The following DPYSL5 variants were observed in gnomAD, a reference collection of about 807,000 sequenced individuals.
DPYSL5 encodes dihydropyrimidinase-related protein 5.
DPYSL5 carries 9 observed loss-of-function variants against 58.4 expected under a neutral mutation model. The observed-to-expected ratio is 0.15, with a 90% CI of 0.09 to 0.27. The LOEUF (loss-of-function observed/expected upper bound fraction) is 0.27, where lower values mean the gene tolerates loss of function less well. Ranked by LOEUF, DPYSL5 falls within the 10% of genes least tolerant of loss-of-function variation. The probability of loss-of-function intolerance (pLI) is 1.00; values close to 1 mark genes in which losing one functional copy is unlikely to be tolerated. For missense variants in DPYSL5, 499 were observed against 770.6 expected (o/e 0.65, Z 4.17); for synonymous variants, 293 against 301.9 (o/e 0.97, Z 0.31).
At chr2:26,857,800 T>C (rs565475593) in intron 1 of DPYSL5, among the ~76,000 whole-genome samples, 2 of 152,296 alleles carry the variant, frequency 1.3e-5, no homozygotes, top group Non-Finnish European at 2.9e-5. Flanking sequence ...TGGATTATAA[T>C]GGAAAGAACC....
chr2:26,855,304 C>T (rs1665852232), intron 1 of DPYSL5, among the ~76,000 whole-genome samples: 1 of 151,958 alleles, frequency 6.6e-6, no homozygotes, highest in Admixed American at 6.5e-5. Flanking sequence ...TGGCAGGTGC[C>T]TGTAGTCCCA....
At position 26,888,237 on chromosome 2, in the gene DPYSL5, C is replaced by CTT. The variant is rs1179374752; in HGVS notation, c.-4-10257_-4-10256dup. Among the ~76,000 whole-genome samples the CTT allele has an allele frequency of 2.5e-3, 358 of 142,198 alleles. 2 individuals carry two copies. Among genetic ancestry groups the CTT allele is most frequent in the African/African-American group, 9.4e-3 (349 of 37,114 alleles). The allele number at this position is 142,198 out of a possible 152,430, so 93.3% of individuals were successfully genotyped here. A position where few individuals can be genotyped will look rare whatever the true frequency, so the allele number is the denominator to read the frequency against. On this transcript the variant is annotated intron_variant, in intron 1 of 12. Transcript: ENST00000288699. ...TCTTTCTTTCTTTCTTTCTTTCTTTCTTTCTTTCTTTCTTTCTTTCTTTCT... is the reference window on the plus strand; with the variant it reads ...TCTTTCTTTCTTTCTTTCTTTCTTTCTTTTTCTTTCTTTCTTTCTTTCTTTCT...
At chr2:26,911,979 A>G (rs1664450870) in intron 2 of DPYSL5, among the ~76,000 whole-genome samples, 1 of 152,242 alleles carries the variant, frequency 6.6e-6, no homozygotes, top group Non-Finnish European at 1.5e-5. Context: ...TCAGCCCCTG[A>G]GGGGATCTGG....
chr2:26,878,275 T>A (rs1386615572), intron 1 of DPYSL5, among the ~76,000 whole-genome samples: 1 of 152,252 alleles, frequency 6.6e-6, no homozygotes, highest in Non-Finnish European at 1.5e-5. Context: ...ATTTGCCTAT[T>A]AGCTATTTAT....
intron 1 of DPYSL5, among the ~76,000 whole-genome samples, chr2:26,873,243 C>T (rs529168993): frequency 3.9e-5 from 6 of 152,066 alleles, no homozygotes; most frequent in Non-Finnish European, 8.8e-5. Context: ...AGAGTTTTGA[C>T]ATTTTTATTT....
At chr2:26,863,846 G>A (rs1045782442) in intron 1 of DPYSL5, among the ~76,000 whole-genome samples, 1 of 152,156 alleles carries the variant, frequency 6.6e-6, no homozygotes, top group Admixed American at 6.5e-5. Context: ...TTTTGTGACT[G>A]TTGAAGCCAC....
intron 2 of DPYSL5, among the ~76,000 whole-genome samples, chr2:26,906,500 C>T (rs149433402): frequency 6.6e-6 from 1 of 152,182 alleles, no homozygotes; most frequent in Non-Finnish European, 1.5e-5. Flanking sequence ...CCTTTATGAG[C>T]TCACCTGATT....
At position 26,942,213 on chromosome 2, in the gene DPYSL5, C is replaced by T; in HGVS notation, c.1232+121C>T. On this transcript the variant is annotated intron_variant, in intron 10 of 12. Transcript: ENST00000288699. This position sits in a 1 kb window ranked among gnomAD's most constrained non-coding sequence, Gnocchi z 5.9. ...TTCTAGCACAAAATATGGCCCTGGC[C>T]TACCGTTGGCCATCTTCTCCCTCCA... 1 of 1,426,016 alleles carries T rather than the reference C, an allele frequency of 7.0e-7. No homozygotes were observed. Among genetic ancestry groups the T allele is most frequent in the Non-Finnish European group, 9.5e-7 (1 of 1,053,830 alleles). 88.3% of individuals were successfully genotyped at this position (1,426,016 alleles called of 1,614,324 possible).
At chr2:26,863,478 G>A (rs1437101954) in intron 1 of DPYSL5, among the ~76,000 whole-genome samples, 1 of 152,216 alleles carries the variant, frequency 6.6e-6, no homozygotes, top group East Asian at 1.9e-4. Flanking sequence ...CTGGGAGCTT[G>A]TGGGCTGGGC....
At chr2:26,900,764 T>G (rs2148138657) in intron 2 of DPYSL5, among the ~76,000 whole-genome samples, 1 of 152,356 alleles carries the variant, frequency 6.6e-6, no homozygotes, top group East Asian at 1.9e-4. Context: ...GGGTCCATTC[T>G]GTAGCATGCT....
chr2:26,893,763 G>A (rs1183573093), intron 1 of DPYSL5, among the ~76,000 whole-genome samples: 1 of 152,266 alleles, frequency 6.6e-6, no homozygotes, highest in Non-Finnish European at 1.5e-5. Context: ...TGCCGTGAAG[G>A]CAATGGATCT....
In DPYSL5 at chr2:26,933,178, C is replaced by T; in HGVS notation, c.715-80C>T. 2.2e-6 allele frequency: 3 copies of T among 1,346,380 alleles called. No individual in the cohort carries two copies. Among genetic ancestry groups the T allele is most frequent in the Non-Finnish European group, 3.2e-6 (3 of 937,022 alleles). 83.4% of individuals were successfully genotyped at this position (1,346,380 alleles called of 1,614,324 possible). On this transcript the variant is annotated intron_variant, in intron 6 of 12. Coordinates refer to ENST00000288699, the MANE Select transcript of DPYSL5 (RefSeq NM_020134.4). This position sits in a 1 kb window ranked among gnomAD's most constrained non-coding sequence, Gnocchi z 4.2. ...GCAGGGGGAGGCGCTGGTGCCAGGGCTGACTTTGCCAGGGTTATTCTGATG... is the reference window on the plus strand; with the variant it reads ...GCAGGGGGAGGCGCTGGTGCCAGGGTTGACTTTGCCAGGGTTATTCTGATG...
chr2:26,894,290 C>A (rs368679292), intron 1 of DPYSL5, among the ~76,000 whole-genome samples: 13 of 152,038 alleles, frequency 8.6e-5, no homozygotes, highest in Admixed American at 1.3e-4. Flanking sequence ...CATCTTCACA[C>A]TCTTCTCAAA....
rs1019968240 is a variant in DPYSL5, at chr2:26,934,839, A to G, written c.947+105A>G. On this transcript the variant is annotated intron_variant, in intron 8 of 12. Transcript: ENST00000288699. The surrounding 1 kb of genome is among the most constrained non-coding windows in gnomAD (Gnocchi z 4.3). ...AGCTAGGTTTGATTTCATTGTGCCCATAGGATCATTGTGCTTTTCTTACCT... is the reference window on the plus strand; with the variant it reads ...AGCTAGGTTTGATTTCATTGTGCCCGTAGGATCATTGTGCTTTTCTTACCT... The G allele has an allele frequency of 2.8e-5, 41 of 1,451,126 alleles. No individual in the cohort carries two copies. Among genetic ancestry groups the G allele is most frequent in the African/African-American group, 4.2e-5 (3 of 71,266 alleles). 89.9% of individuals were successfully genotyped at this position (1,451,126 alleles called of 1,614,324 possible). A position where few individuals can be genotyped will look rare whatever the true frequency, so the allele number is the denominator to read the frequency against.
At chr2:26,900,157 G>C (rs1236620251) in intron 2 of DPYSL5, among the ~76,000 whole-genome samples, 1 of 152,176 alleles carries the variant, frequency 6.6e-6, no homozygotes, top group East Asian at 1.9e-4. Flanking sequence ...CCCAAGTCAA[G>C]ACACCAAACT....
At chr2:26,880,606 C>A (rs551051156) in intron 1 of DPYSL5, among the ~76,000 whole-genome samples, 1 of 152,326 alleles carries the variant, frequency 6.6e-6, no homozygotes, top group East Asian at 1.9e-4. Context: ...CCATTCTCAG[C>A]CCACCCTTGC....
rs1306375369 is a variant in DPYSL5, at chr2:26,927,728, C to T, written c.600+296C>T. The stretch of plus-strand genomic sequence containing the variant: ...CCATTATAGCAGAGAATTTGGAGCA[C>T]CTCTCAGACATATTTTTAATGAGAT... On this transcript the variant is annotated intron_variant, in intron 4 of 12. Coordinates refer to ENST00000288699, the MANE Select transcript of DPYSL5 (RefSeq NM_020134.4). This position sits in a 1 kb window ranked among gnomAD's most constrained non-coding sequence, Gnocchi z 4.3. Among the ~76,000 whole-genome samples, 1 of 152,166 alleles carries T rather than the reference C, an allele frequency of 6.6e-6. No homozygotes were observed. The highest frequency in any genetic ancestry group is 1.5e-5 in the Non-Finnish European group (1 of 68,048).
Position 26,934,363 on chromosome 2 carries a change from G to T in DPYSL5, c.791-215G>T, listed in dbSNP as rs936917180. ...TGCCGCTTGGTCCTGCTGGGCCTCG[G>T]TGCCCATGTCCCTCTGTCCTCCTTG... is the stretch of plus-strand genomic sequence containing the variant. On this transcript the variant is annotated intron_variant, in intron 7 of 12. Transcript: ENST00000288699. The surrounding 1 kb of genome is among the most constrained non-coding windows in gnomAD (Gnocchi z 4.3). Among the ~76,000 whole-genome samples the T allele has an allele frequency of 6.6e-6, 1 of 152,144 alleles. No homozygotes were observed. The highest frequency in any genetic ancestry group is 6.5e-5 in the Admixed American group (1 of 15,274).
rs548824511 is a variant in DPYSL5 at position 26,927,004 on chromosome 2, T to A, written c.421-249T>A. Among the ~76,000 whole-genome samples the A allele has an allele frequency of 6.6e-6, 1 of 152,338 alleles. No individual in the cohort carries two copies. The highest frequency in any genetic ancestry group is 2.4e-5 in the African/African-American group (1 of 41,572). On this transcript the variant is annotated intron_variant, in intron 3 of 12. Transcript: ENST00000288699. The surrounding 1 kb of genome is among the most constrained non-coding windows in gnomAD (Gnocchi z 4.3). Reference sequence around the variant, plus strand: ...CTAAGTGATAGGAGAAACGTGCCTATAAGGTAACAATGTGGCTCCTAAACT... The same window carrying A: ...CTAAGTGATAGGAGAAACGTGCCTAAAAGGTAACAATGTGGCTCCTAAACT...
Sources: gnomAD v4.1 joint callset for allele counts (sites outside exome capture counted in the v4.1 genomes callset) on GRCh38, gnomAD v4.1.1 for gene constraint, Gnocchi (gnomAD v3.1) non-coding constraint, MANE v1.5 for transcripts, NCBI Gene and HGNC (gene_info 2026-07-23, HGNC 2026-07-21) for gene names.